TEX2: variants seen among roughly 807,000 people sequenced by gnomAD.
TEX2 encodes testis expressed 2, also known as testis-expressed protein 2.
In TEX2, 53 loss-of-function variants were observed where a neutral mutation model predicts 106.9. The ratio of observed to expected loss-of-function variants is 0.50; its 90% CI spans 0.40 to 0.62. The LOEUF (loss-of-function observed/expected upper bound fraction) is 0.62. Among genes scored for constraint, TEX2 ranks in the 20% least tolerant of loss-of-function variants. The pLI is 0.00. For missense variants in TEX2, 1,207 were observed against 1,379.0 expected, an observed-to-expected ratio of 0.88 and a Z score of 1.98; for synonymous variants, 523 against 534.8, an observed-to-expected ratio of 0.98 and a Z score of 0.30.
At chr17:64,234,954 T>C (rs1265500427) in intron 1 of TEX2, among the ~76,000 whole-genome samples, 1 of 152,148 alleles carries the variant, frequency 6.6e-6, no homozygotes, top group Admixed American at 6.5e-5. Context: ...AAGAACACCT[T>C]TAGGTACTGG....
chr17:64,214,294 G>A, intron 1 of TEX2, 52 bp from the exon 2 acceptor site: 2 of 1,476,652 alleles, frequency 1.4e-6, no homozygotes, highest in Non-Finnish European at 1.8e-6. Context: ...CTCCACAGGA[G>A]ACGCTGTCAT....
In TEX2 at chr17:64,197,934, T is replaced by C. The variant is rs142338240; in HGVS notation, c.1645-2839A>G. Among the ~76,000 whole-genome samples the C allele has an allele frequency of 7.2e-4, 109 of 152,292 alleles. 1 individual carries two copies. The highest frequency in any genetic ancestry group is 2.5e-3 in the African/African-American group (102 of 41,560). On this transcript the variant is annotated intron_variant, in intron 2 of 11. Coordinates refer to ENST00000584379, the MANE Select transcript of TEX2 (RefSeq NM_001288732.2). ...TACCTGCAATTTCTGATAGGTTGTATTTTCAGTTTCCTTCAGTTAAAAATA... is the reference window on the plus strand; with the variant it reads ...TACCTGCAATTTCTGATAGGTTGTACTTTCAGTTTCCTTCAGTTAAAAATA...
intron 1 of TEX2, among the ~76,000 whole-genome samples, chr17:64,258,687 A>C (rs1229553199): frequency 6.6e-6 from 1 of 152,162 alleles, no homozygotes; most frequent in Non-Finnish European, 1.5e-5. Context: ...TTAGAATCAT[A>C]AACTCATATA....
intron 1 of TEX2, among the ~76,000 whole-genome samples, chr17:64,240,480 AG>A (rs2033867661): frequency 6.6e-6 from 1 of 152,170 alleles, no homozygotes; most frequent in Non-Finnish European, 1.5e-5. Flanking sequence ...CAGGTCAGAC[AG>A]GCGCCTGGTG....
At chr17:64,154,412 C>G (rs1286625742) in intron 9 of TEX2, among the ~76,000 whole-genome samples, 1 of 152,198 alleles carries the variant, frequency 6.6e-6, no homozygotes, top group Non-Finnish European at 1.5e-5. Flanking sequence ...CAGTCATCAG[C>G]GCTTTCAAAA....
chr17:64,198,000 G>C (rs1045941370), intron 2 of TEX2, among the ~76,000 whole-genome samples: 13 of 151,968 alleles, frequency 8.6e-5, no homozygotes, highest in Non-Finnish European at 1.2e-4. Context: ...AGGCCCACAG[G>C]CTGTTTAGAA....
At position 64,195,549 on chromosome 17, in the gene TEX2, T is replaced by G. The variant is rs113168236; in HGVS notation, c.1645-454A>C. The stretch of plus-strand genomic sequence containing the variant: ...GTATTAATTCATGTTATCACAGGAC[T>G]CAGAGAACTACCTCTCCACTTCTGT... On this transcript the variant is annotated intron_variant, in intron 2 of 11. Coordinates refer to ENST00000584379, the MANE Select transcript of TEX2 (RefSeq NM_001288732.2). This position sits in a 1 kb window ranked among gnomAD's most constrained non-coding sequence, Gnocchi z 4.1. Among the ~76,000 whole-genome samples the G allele has an allele frequency of 6.4e-3, 981 of 152,324 alleles. 15 individuals carry two copies. Among genetic ancestry groups the G allele is most frequent in the African/African-American group, 0.023 (953 of 41,572 alleles).
chr17:64,214,925 GCAT>G (rs879972426), intron 1 of TEX2, among the ~76,000 whole-genome samples: 79 of 152,356 alleles, frequency 5.2e-4, no homozygotes, highest in Non-Finnish European at 9.3e-4. Context: ...ACGTTCTGAG[GCAT>G]CAGGATAAAG....
chr17:64,241,862 G>A (rs993641540), intron 1 of TEX2, among the ~76,000 whole-genome samples: 7 of 151,996 alleles, frequency 4.6e-5, no homozygotes, highest in African/African-American at 1.7e-4. Flanking sequence ...CAAACTCCTC[G>A]GCTCATGTAA....
intron 1 of TEX2, among the ~76,000 whole-genome samples, chr17:64,215,180 C>T (rs188462405): frequency 6.6e-6 from 1 of 152,358 alleles, no homozygotes; most frequent in Non-Finnish European, 1.5e-5. Context: ...TGACATGGTA[C>T]AGTCATCTCT....
intron 10 of TEX2, among the ~76,000 whole-genome samples, chr17:64,152,477 C>A (rs1439420207): frequency 6.6e-6 from 1 of 152,184 alleles, no homozygotes; most frequent in Non-Finnish European, 1.5e-5. Flanking sequence ...GGAAGTCTCC[C>A]TAACTTCCCA....
chr17:64,211,713 T>G (rs574487941), intron 2 of TEX2, among the ~76,000 whole-genome samples: 32 of 151,356 alleles, frequency 2.1e-4, no homozygotes, highest in African/African-American at 7.8e-4. Flanking sequence ...TTGGGGGGGG[T>G]CCTGAAACCA....
At chr17:64,238,411 A>C (rs2033816661) in intron 1 of TEX2, among the ~76,000 whole-genome samples, 1 of 152,268 alleles carries the variant, frequency 6.6e-6, no homozygotes, top group Admixed American at 6.5e-5. Flanking sequence ...ACTATTCAAG[A>C]TAAAAATTAT....
chr17:64,199,130 C>T (rs977221978), intron 2 of TEX2, among the ~76,000 whole-genome samples: 1 of 152,132 alleles, frequency 6.6e-6, no homozygotes, highest in East Asian at 1.9e-4. Context: ...GCTTTCATTT[C>T]GTCTTTCCTA....
intron 1 of TEX2, among the ~76,000 whole-genome samples, chr17:64,221,791 T>C (rs1236655698): frequency 1.3e-5 from 2 of 152,184 alleles, no homozygotes; most frequent in South Asian, 2.1e-4. Context: ...AAGTGTCCAC[T>C]GACAGATGAA....
intron 2 of TEX2, among the ~76,000 whole-genome samples, chr17:64,210,971 A>G (rs1467411821): frequency 1.3e-5 from 2 of 151,724 alleles, no homozygotes; most frequent in East Asian, 3.9e-4. Flanking sequence ...TATTATTATT[A>G]TTATTTTTGA....
At chr17:64,149,383 T>A (rs763829104) in intron 11 of TEX2, 10 of 298,804 alleles carry the variant, frequency 3.3e-5, no homozygotes, top group Admixed American at 1.4e-4. Flanking sequence ...ATCCAACAAT[T>A]TAAGAGAATT....
chr17:64,232,584 T>C, intron 1 of TEX2, among the ~76,000 whole-genome samples: 1 of 152,194 alleles, frequency 6.6e-6, no homozygotes, highest in Middle Eastern at 3.2e-3. Flanking sequence ...GGCACTCACA[T>C]TCAAGGTCAA....
At chr17:64,258,713 A>T (rs2034231603) in intron 1 of TEX2, among the ~76,000 whole-genome samples, 1 of 151,962 alleles carries the variant, frequency 6.6e-6, no homozygotes, top group African/African-American at 2.4e-5. Flanking sequence ...TGAGACTGCT[A>T]GCAGTAGGGG....
Sources: gnomAD v4.1 joint callset for allele counts (sites outside exome capture counted in the v4.1 genomes callset) on GRCh38, gnomAD v4.1.1 for gene constraint, Gnocchi (gnomAD v3.1) non-coding constraint, MANE v1.5 for transcripts, NCBI Gene and HGNC (gene_info 2026-07-23, HGNC 2026-07-21) for gene names.